COBL: variants seen among roughly 807,000 people sequenced by gnomAD.
COBL encodes protein cordon-bleu.
Under a neutral mutation model 98.8 loss-of-function variants are expected in COBL, and 51 were observed. The ratio of observed to expected loss-of-function variants is 0.52; its 90% CI spans 0.41 to 0.65. The LOEUF is 0.65. Ranked by LOEUF, COBL falls within the 30% of genes least tolerant of loss-of-function variation. The probability of loss-of-function intolerance (pLI) is 0.00; values close to 1 mark genes in which losing one functional copy is unlikely to be tolerated. For synonymous variants in COBL, 634 were observed against 651.7 expected (o/e 0.97, Z 0.41); for missense variants, 1,617 against 1,617.5 (o/e 1.00, Z 0.01).
intron 1 of COBL, among the ~76,000 whole-genome samples, chr7:51,245,461 C>T (rs1475216145): frequency 1.3e-5 from 2 of 152,220 alleles, no homozygotes; most frequent in East Asian, 1.9e-4. Context: ...GATTCCCTTC[C>T]TCCCTTGGAT....
intron 7 of COBL, among the ~76,000 whole-genome samples, chr7:51,055,193 G>A (rs1790620397): frequency 6.6e-6 from 1 of 152,182 alleles, no homozygotes; most frequent in Admixed American, 6.5e-5. Context: ...CCTCCTCCAT[G>A]AGGTTGGTGT....
chr7:51,087,440 T>A (rs555785848), intron 6 of COBL, among the ~76,000 whole-genome samples: 1 of 152,268 alleles, frequency 6.6e-6, no homozygotes, highest in South Asian at 2.1e-4. Context: ...ATTCCCTCTA[T>A]TCAGTTCTGA....
At chr7:51,196,193 A>G (rs1790574783) in intron 2 of COBL, among the ~76,000 whole-genome samples, 1 of 152,068 alleles carries the variant, frequency 6.6e-6, no homozygotes, top group Non-Finnish European at 1.5e-5. Context: ...GTTTATTCAG[A>G]GTTTTTAACA....
At chr7:51,081,904 T>C (rs113464419) in intron 7 of COBL, among the ~76,000 whole-genome samples, 2,935 of 151,944 alleles carry the variant, frequency 0.019, 98 homozygotes, top group African/African-American at 0.067. Flanking sequence ...GGCTGCAGTC[T>C]TTCTGATTGA....
chr7:51,063,869 G>C (rs547459843), intron 7 of COBL, among the ~76,000 whole-genome samples: 1 of 152,172 alleles, frequency 6.6e-6, no homozygotes, highest in Non-Finnish European at 1.5e-5. Flanking sequence ...GTATTTGTAT[G>C]TGTAATTCTC....
intron 6 of COBL, among the ~76,000 whole-genome samples, chr7:51,135,261 C>T (rs1367208828): frequency 6.6e-6 from 1 of 152,188 alleles, no homozygotes; most frequent in East Asian, 1.9e-4. Context: ...CTGCACCCGG[C>T]CTAGAAAATA....
intron 1 of COBL, among the ~76,000 whole-genome samples, chr7:51,298,019 T>C (rs1007470429): frequency 6.6e-6 from 1 of 152,206 alleles, no homozygotes; most frequent in African/African-American, 2.4e-5. Flanking sequence ...GACTTGCTTC[T>C]GACAAAGTAT....
intron 8 of COBL, among the ~76,000 whole-genome samples, chr7:51,037,988 A>C (rs1788801867): frequency 6.6e-6 from 1 of 152,088 alleles, no homozygotes; most frequent in Admixed American, 6.5e-5. Flanking sequence ...AGTAGCTGGG[A>C]TTACAGGCGC....
chr7:51,032,972 C>G (rs1398320899), intron 8 of COBL: 1 of 152,150 alleles, frequency 6.6e-6, no homozygotes, highest in Non-Finnish European at 1.5e-5. Flanking sequence ...AACAAAATTA[C>G]AGACATACTT....
At chr7:51,266,660 G>A (rs1488238095) in intron 1 of COBL, among the ~76,000 whole-genome samples, 1 of 152,200 alleles carries the variant, frequency 6.6e-6, no homozygotes, top group African/African-American at 2.4e-5. Context: ...CTGCTTGCAA[G>A]TACTTCTACA....
intron 7 of COBL, among the ~76,000 whole-genome samples, chr7:51,049,931 C>T (rs1790081666): frequency 6.6e-6 from 1 of 152,176 alleles, no homozygotes; most frequent in South Asian, 2.1e-4. Flanking sequence ...CTCTTTTTCT[C>T]TAATTGATTT....
intron 1 of COBL, among the ~76,000 whole-genome samples, chr7:51,268,236 T>C (rs1013036816): frequency 6.6e-6 from 1 of 152,220 alleles, no homozygotes; most frequent in African/African-American, 2.4e-5. Context: ...AGTGTTACAA[T>C]AGATCCAGGA....
At chr7:51,231,865 A>G (rs1794788795) in intron 1 of COBL, among the ~76,000 whole-genome samples, 1 of 152,186 alleles carries the variant, frequency 6.6e-6, no homozygotes, top group Non-Finnish European at 1.5e-5. Context: ...CCACCAGCAA[A>G]GAAGAGACCC....
At chr7:51,078,213 T>C (rs760084723) in intron 7 of COBL, among the ~76,000 whole-genome samples, 1 of 152,162 alleles carries the variant, frequency 6.6e-6, no homozygotes, top group African/African-American at 2.4e-5. Context: ...TACTCAATTG[T>C]AGTCAATGAA....
At position 51,232,679 on chromosome 7, in the gene COBL, C is replaced by T. The variant is rs149893454; in HGVS notation, c.42-12735G>A. Among the ~76,000 whole-genome samples the T allele has an allele frequency of 2.6e-3, 395 of 152,070 alleles. 2 individuals are homozygous for T. The highest frequency in any genetic ancestry group is 8.9e-3 in the African/African-American group (371 of 41,476). On this transcript the variant is annotated intron_variant, in intron 1 of 12. Coordinates refer to ENST00000265136, the MANE Select transcript of COBL (RefSeq NM_015198.5). ...ACAAAAAATCAGCTGGGCGTGGTGGCGGGCATCTGTAGTCCCAGACACTTG... is the reference window on the plus strand; with the variant it reads ...ACAAAAAATCAGCTGGGCGTGGTGGTGGGCATCTGTAGTCCCAGACACTTG...
chr7:51,230,532 T>A (rs2129103629), intron 1 of COBL, among the ~76,000 whole-genome samples: 1 of 152,204 alleles, frequency 6.6e-6, no homozygotes, highest in Non-Finnish European at 1.5e-5. Flanking sequence ...CCACCCCTGC[T>A]CCACTGCTGC....
chr7:51,147,708 G>A (rs1171537174), intron 5 of COBL, among the ~76,000 whole-genome samples: 8 of 151,822 alleles, frequency 5.3e-5, no homozygotes, highest in African/African-American at 1.2e-4. Flanking sequence ...ATATTTAGGC[G>A]AAATTGCGGG....
intron 1 of COBL, among the ~76,000 whole-genome samples, chr7:51,245,931 G>A (rs1469224813): frequency 6.6e-6 from 1 of 152,078 alleles, no homozygotes. Flanking sequence ...AATTTTGTGA[G>A]GAAATGATTT....
At chr7:51,257,693 A>G (rs988412399) in intron 1 of COBL, among the ~76,000 whole-genome samples, 6 of 152,132 alleles carry the variant, frequency 3.9e-5, no homozygotes, top group African/African-American at 1.2e-4. Flanking sequence ...CATAAAATAT[A>G]TTTCAGTTAA....
Sources: gnomAD v4.1 joint callset for allele counts (sites outside exome capture counted in the v4.1 genomes callset) on GRCh38, gnomAD v4.1.1 for gene constraint, MANE v1.5 for transcripts, NCBI Gene and HGNC (gene_info 2026-07-23, HGNC 2026-07-21) for gene names.